The following ATP6V0A4 variants were observed in gnomAD, a reference collection of about 807,000 sequenced individuals.
The protein encoded by ATP6V0A4 is ATPase H+ transporting V0 subunit a4.
In ATP6V0A4, 86 loss-of-function variants were observed where a neutral mutation model predicts 107.3. The ratio of observed to expected loss-of-function variants is 0.80; its 90% CI spans 0.67 to 0.96. The LOEUF (loss-of-function observed/expected upper bound fraction) is 0.96, where lower values mean the gene tolerates loss of function less well. Among genes scored for constraint, ATP6V0A4 ranks in the 40% least tolerant of loss-of-function variants. ATP6V0A4 has a pLI of 0.00. For missense variants in ATP6V0A4, 908 were observed against 1,045.6 expected (o/e 0.87, Z 1.81); for synonymous variants, 353 against 381.4 (o/e 0.93, Z 0.87).
rs758982824 is a variant in ATP6V0A4, at chr7:138,769,154, A to G, written c.196+19T>C. ...TTCACATTTGAACAGTAAGAAAAAA[A>G]AAAAAAAAATTGGCTTACGGAGGAT... is the stretch of plus-strand genomic sequence containing the variant. On this transcript the variant is annotated intron_variant, in intron 4 of 21. Transcript: ENST00000310018. 2 of 1,608,052 alleles carry G rather than the reference A, an allele frequency of 1.2e-6. No individual in the cohort carries two copies. The highest frequency in any genetic ancestry group is 1.7e-6 in the Non-Finnish European group (2 of 1,179,664).
At chr7:138,758,985 A>G (rs1028178681) in intron 8 of ATP6V0A4, among the ~76,000 whole-genome samples, 33 of 149,210 alleles carry the variant, frequency 2.2e-4, no homozygotes, top group African/African-American at 8.2e-4. Context: ...TCCTGACCTC[A>G]GGTGATCCGC....
At chr7:138,797,016 C>T (rs1053591118) in intron 1 of ATP6V0A4, among the ~76,000 whole-genome samples, 86 of 152,262 alleles carry the variant, frequency 5.6e-4, no homozygotes, top group African/African-American at 2.0e-3. Context: ...TAGCCCACAG[C>T]TCTCCTCTTG....
At chr7:138,737,567 GC>G (rs1562992645) in intron 15 of ATP6V0A4, among the ~76,000 whole-genome samples, 1 of 140,872 alleles carries the variant, frequency 7.1e-6, no homozygotes, top group African/African-American at 2.6e-5. Flanking sequence ...GGCAACTCCC[GC>G]TTTTCTTTTT....
chr7:138,739,858 C>G (rs1311245440), intron 14 of ATP6V0A4, among the ~76,000 whole-genome samples: 1 of 152,098 alleles, frequency 6.6e-6, no homozygotes, highest in Non-Finnish European at 1.5e-5. Flanking sequence ...TAAAGAAACT[C>G]AGGGCCGGGA....
At chr7:138,762,183 C>A (rs531347262) in intron 7 of ATP6V0A4, among the ~76,000 whole-genome samples, 157 bp downstream of exon 7, 2 of 152,238 alleles carry the variant, frequency 1.3e-5, no homozygotes, top group Non-Finnish European at 2.9e-5. Context: ...ACTCCACCAA[C>A]CTAGTAAGTT....
At chr7:138,709,965 C>T in intron 20 of ATP6V0A4, 170 bp from the exon 21 acceptor site, 1 of 351,736 alleles carries the variant, frequency 2.8e-6, no homozygotes, top group Non-Finnish European at 4.0e-6. Flanking sequence ...CCTCCTGTCT[C>T]AGCCTCCCAA....
Position 138,722,027 on chromosome 7 carries a change from T to C in ATP6V0A4, c.2011-2A>G. The stretch of plus-strand genomic sequence containing the variant: ...TTCTTGGATCCTGGATGCCTGCAGC[T>C]GACAACAAGCAGGGAAATGAGGAAT... On this transcript the variant is annotated splice_acceptor_variant, in intron 18 of 21. Coordinates refer to ENST00000310018, the MANE Select transcript of ATP6V0A4 (RefSeq NM_020632.3). LOFTEE classifies it high-confidence loss of function. 1 of 1,614,068 alleles carries C rather than the reference T, an allele frequency of 6.2e-7. No homozygotes were observed. The highest frequency in any genetic ancestry group is 8.5e-7 in the Non-Finnish European group (1 of 1,180,020).
chr7:138,741,988 G>C (rs1373662973), intron 14 of ATP6V0A4, among the ~76,000 whole-genome samples: 6 of 152,190 alleles, frequency 3.9e-5, no homozygotes. Context: ...GAAGACATTT[G>C]CAGGTGCATA....
intron 20 of ATP6V0A4, among the ~76,000 whole-genome samples, chr7:138,712,749 C>T (rs987181569): frequency 6.6e-6 from 1 of 150,482 alleles, no homozygotes; most frequent in Non-Finnish European, 1.5e-5. Flanking sequence ...AAATGACCCC[C>T]TCAGTGTGTG....
chr7:138,755,115 G>A (rs1056436854), intron 10 of ATP6V0A4, among the ~76,000 whole-genome samples: 2 of 152,194 alleles, frequency 1.3e-5, no homozygotes, highest in African/African-American at 2.4e-5. Context: ...CTGCCAGCGA[G>A]GGAGGCCCAG....
rs1362726242 is a variant in ATP6V0A4, at chr7:138,773,038, T to C, written c.-17-1774A>G. Among the ~76,000 whole-genome samples, 2 of 152,038 alleles carry C rather than the reference T, an allele frequency of 1.3e-5. No individual in the cohort carries two copies. Among genetic ancestry groups the C allele is most frequent in the Non-Finnish European group, 2.9e-5 (2 of 68,014 alleles). The stretch of plus-strand genomic sequence containing the variant: ...CCTACTGCTGCCAAATCACACTTTT[T>C]CCCCCCAGGTCAACCTTCTGGAAGA... On this transcript the variant is annotated intron_variant, in intron 2 of 21. Coordinates refer to ENST00000310018, the MANE Select transcript of ATP6V0A4 (RefSeq NM_020632.3). The surrounding 1 kb of genome is among the most constrained non-coding windows in gnomAD (Gnocchi z 5.4).
intron 2 of ATP6V0A4, among the ~76,000 whole-genome samples, chr7:138,785,547 G>A (rs1336894583): frequency 3.3e-5 from 5 of 151,962 alleles, no homozygotes; most frequent in Non-Finnish European, 7.4e-5. Flanking sequence ...AAAGTACTGG[G>A]ATTATAATAG....
chr7:138,793,309 G>A (rs565243544), intron 1 of ATP6V0A4, among the ~76,000 whole-genome samples: 1 of 152,040 alleles, frequency 6.6e-6, no homozygotes, highest in Non-Finnish European at 1.5e-5. Flanking sequence ...ATATAAAAGA[G>A]ATGAGGGATA....
chr7:138,763,191 A>G (rs926525243), intron 5 of ATP6V0A4, 166 bp from the exon 6 acceptor site: 29 of 323,894 alleles, frequency 9.0e-5, no homozygotes, highest in Non-Finnish European at 1.3e-4. Flanking sequence ...ACACAGACAC[A>G]CACACACACA....
intron 19 of ATP6V0A4, among the ~76,000 whole-genome samples, chr7:138,719,446 G>A (rs1804317192): frequency 6.6e-6 from 1 of 152,176 alleles, no homozygotes; most frequent in African/African-American, 2.4e-5. Context: ...TGCAAGGTGG[G>A]AGAGAGCTGG....
At chr7:138,753,331 C>T (rs1806329038) in intron 10 of ATP6V0A4, among the ~76,000 whole-genome samples, 1 of 152,328 alleles carries the variant, frequency 6.6e-6, no homozygotes, top group South Asian at 2.1e-4. Context: ...CGGCCCGCAG[C>T]ACCAGAGCTG....
intron 5 of ATP6V0A4, among the ~76,000 whole-genome samples, chr7:138,766,241 C>T (rs894089997): frequency 6.8e-6 from 1 of 147,730 alleles, no homozygotes; most frequent in Non-Finnish European, 1.5e-5. Context: ...CTTGCTCTGT[C>T]ACCCACGCTG....
In ATP6V0A4 at chr7:138,732,931, G is replaced by A. The variant is rs540574853; in HGVS notation, c.1854C>T (p.Asn618=). The A allele has an allele frequency of 6.2e-7, 1 of 1,613,504 alleles. No homozygotes were observed. The highest frequency in any genetic ancestry group is 1.7e-5 in the Admixed American group (1 of 59,974). Residue 618 remains asparagine, a synonymous_variant, in exon 17 of 22, where the codon AAC becomes AAT. Transcript: ENST00000310018. The part of the protein sequence containing the change: ...HAPSILIHFI[N]MFLFNYSDSS... The stretch of plus-strand genomic sequence containing the variant: ...AGTCACTGTAGTTAAACAGAAACAT[G>A]TTGATGAAGTGGATGAGGATGCTGG...
intron 13 of ATP6V0A4, among the ~76,000 whole-genome samples, chr7:138,745,987 T>C: frequency 9.5e-6 from 1 of 104,758 alleles, no homozygotes; most frequent in African/African-American, 3.8e-5. Flanking sequence ...ATAAAATATA[T>C]ATTATAAATA....
Sources: allele counts gnomAD v4.1 joint callset (sites outside exome capture counted in the v4.1 genomes callset), GRCh38; gene constraint gnomAD v4.1.1; non-coding constraint Gnocchi (gnomAD v3.1); transcripts MANE v1.5; gene names NCBI Gene and HGNC (gene_info 2026-07-23, HGNC 2026-07-21).